TMEM178B: variants seen among roughly 807,000 people sequenced by gnomAD.
TMEM178B encodes the protein transmembrane protein 178B.
Under a neutral mutation model 31.0 loss-of-function variants are expected in TMEM178B, and 5 were observed. The ratio of observed to expected loss-of-function variants is 0.16; its 90% CI spans 0.08 to 0.34. The LOEUF is 0.34. Ranked by LOEUF, TMEM178B falls within the 10% of genes least tolerant of loss-of-function variation. The probability of loss-of-function intolerance (pLI) is 1.00; values close to 1 mark genes in which losing one functional copy is unlikely to be tolerated. For missense variants in TMEM178B, 275 were observed against 400.3 expected, an observed-to-expected ratio of 0.69 and a Z score of 2.67; for synonymous variants, 164 against 164.0, an observed-to-expected ratio of 1.00 and a Z score of 0.00.
downstream of TMEM178B, chr7:141,480,425 G>A (rs994886442): frequency 6.6e-6 from 1 of 152,210 alleles, no homozygotes; most frequent in African/African-American, 2.4e-5. Context: ...GGGGTGGGTG[G>A]AGGCTGCAGT....
intron 1 of TMEM178B, among the ~76,000 whole-genome samples, chr7:141,078,548 T>C (rs1327526025): frequency 1.3e-5 from 2 of 152,198 alleles, no homozygotes; most frequent in Non-Finnish European, 2.9e-5. Context: ...GATCTGGTCC[T>C]CAGAATTTGC....
At chr7:141,374,248 C>T (rs975913911) in intron 2 of TMEM178B, among the ~76,000 whole-genome samples, 12 of 152,180 alleles carry the variant, frequency 7.9e-5, no homozygotes, top group African/African-American at 2.9e-4. Context: ...ATTCCACCAG[C>T]AGGTGTGTCT....
At chr7:141,350,601 A>C (rs1799703254) in intron 2 of TMEM178B, among the ~76,000 whole-genome samples, 1 of 152,204 alleles carries the variant, frequency 6.6e-6, no homozygotes, top group Non-Finnish European at 1.5e-5. Flanking sequence ...TTCACATAGA[A>C]TCTCCTGGGA....
chr7:141,435,093 A>G (rs1421045988), intron 2 of TMEM178B, among the ~76,000 whole-genome samples: 2 of 152,210 alleles, frequency 1.3e-5, no homozygotes, highest in Non-Finnish European at 2.9e-5. Context: ...TTTATAGCCA[A>G]CTGATTTTCA....
chr7:141,089,688 G>T (rs1329705002), intron 1 of TMEM178B, among the ~76,000 whole-genome samples: 3 of 152,226 alleles, frequency 2.0e-5, no homozygotes, highest in Non-Finnish European at 4.4e-5. Flanking sequence ...CCATAAAAAA[G>T]GATGAGTTCA....
At chr7:141,215,340 T>A (rs200093220) in intron 2 of TMEM178B, among the ~76,000 whole-genome samples, 17 of 46,234 alleles carry the variant, frequency 3.7e-4, no homozygotes, top group Non-Finnish European at 5.7e-4. Context: ...TATTATTATT[T>A]TTTGAGATGG....
intron 2 of TMEM178B, among the ~76,000 whole-genome samples, chr7:141,334,801 T>C (rs1464547309): frequency 6.6e-6 from 1 of 152,196 alleles, no homozygotes; most frequent in African/African-American, 2.4e-5. Flanking sequence ...AAGTGTCAGC[T>C]CCTTATCCAG....
intron 2 of TMEM178B, among the ~76,000 whole-genome samples, chr7:141,329,787 A>G (rs1024982763): frequency 6.6e-6 from 1 of 152,238 alleles, no homozygotes; most frequent in African/African-American, 2.4e-5. Context: ...ACCTGCTATT[A>G]TCAGGGAACT....
intron 1 of TMEM178B, among the ~76,000 whole-genome samples, chr7:141,117,949 C>T (rs746243097): frequency 1.3e-5 from 2 of 152,120 alleles, no homozygotes; most frequent in Non-Finnish European, 2.9e-5. Context: ...AGCATGATGC[C>T]TGAACTTGGA....
intron 2 of TMEM178B, among the ~76,000 whole-genome samples, chr7:141,266,982 G>A (rs1798103841): frequency 6.6e-6 from 1 of 152,198 alleles, no homozygotes; most frequent in African/African-American, 2.4e-5. Flanking sequence ...TCTGAAATGA[G>A]GCAATCCTTC....
At chr7:141,390,567 G>A (rs73169547) in intron 2 of TMEM178B, among the ~76,000 whole-genome samples, 2,655 of 152,296 alleles carry the variant, frequency 0.017, 29 homozygotes, top group Non-Finnish European at 0.025. Context: ...TTTGAAGAAC[G>A]CATGTCACAT....
chr7:141,090,057 C>T (rs1237898009), intron 1 of TMEM178B, among the ~76,000 whole-genome samples: 1 of 152,110 alleles, frequency 6.6e-6, no homozygotes, highest in Non-Finnish European at 1.5e-5. Context: ...TCCACTTTTG[C>T]TACCCTTCTT....
chr7:141,269,851 G>A (rs1798153808), intron 2 of TMEM178B, among the ~76,000 whole-genome samples: 1 of 152,192 alleles, frequency 6.6e-6, no homozygotes, highest in Admixed American at 6.5e-5. Context: ...GATCACTCGA[G>A]GCCAGGGGTT....
Position 141,153,527 on chromosome 7 carries a change from G to C in TMEM178B, c.383-59064G>C, listed in dbSNP as rs139961288. On this transcript the variant is annotated intron_variant, in intron 1 of 3. Coordinates refer to ENST00000565468, the MANE Select transcript of TMEM178B (RefSeq NM_001195278.2). ...AAGGCATGTACATTTAAAAGCTTTT[G>C]GTATTATTGCAAAAACGTTTTCCTG... Among the ~76,000 whole-genome samples the C allele has an allele frequency of 2.6e-5, 4 of 152,086 alleles. No individual in the cohort carries two copies. In the East Asian group the frequency reaches 7.7e-4, roughly 29 times the overall value.
In TMEM178B at chr7:141,343,644, G is replaced by A. The variant is rs553873051; in HGVS notation, c.497-93964G>A. Among the ~76,000 whole-genome samples, 262 of 147,686 alleles carry A rather than the reference G, an allele frequency of 1.8e-3. 1 individual carries two copies. Among genetic ancestry groups the A allele is most frequent in the South Asian group, 0.018 (79 of 4,484 alleles). ...GGCTCACTGCAAGCTCCACCCCACC[G>A]GGTTACACCATTCTCTTGCCTCAGC... On this transcript the variant is annotated intron_variant, in intron 2 of 3. Transcript: ENST00000565468.
chr7:141,320,685 CA>C (rs956946330), intron 2 of TMEM178B, among the ~76,000 whole-genome samples: 1 of 152,124 alleles, frequency 6.6e-6, no homozygotes, highest in African/African-American at 2.4e-5. Flanking sequence ...GGTGCCATAC[CA>C]TTTGTTAAGT....
At chr7:141,308,230 C>T (rs1181857608) in intron 2 of TMEM178B, among the ~76,000 whole-genome samples, 1 of 152,208 alleles carries the variant, frequency 6.6e-6, no homozygotes, top group Non-Finnish European at 1.5e-5. Flanking sequence ...TGAAGTGGAA[C>T]TCCAGCTGAA....
chr7:141,150,350 C>T (rs1795949696), intron 1 of TMEM178B, among the ~76,000 whole-genome samples: 2 of 152,324 alleles, frequency 1.3e-5, no homozygotes, highest in South Asian at 4.1e-4. Context: ...TTTTCCCCCA[C>T]AGCTACATGG....
At chr7:141,182,848 C>A (rs957578390) in intron 1 of TMEM178B, among the ~76,000 whole-genome samples, 1 of 152,148 alleles carries the variant, frequency 6.6e-6, no homozygotes, top group African/African-American at 2.4e-5. Flanking sequence ...TTCTCCTTTG[C>A]CTTCCACCGT....
Sources: allele counts gnomAD v4.1 joint callset (sites outside exome capture counted in the v4.1 genomes callset), GRCh38; gene constraint gnomAD v4.1.1; transcripts MANE v1.5; gene names NCBI Gene and HGNC (gene_info 2026-07-23, HGNC 2026-07-21).